Variants in CPD observed in about 807,000 individuals in gnomAD.
CPD encodes the protein metallocarboxypeptidase D.
A neutral mutation model predicts 138.3 loss-of-function variants in CPD; 69 were observed. The observed-to-expected ratio is 0.50, with a 90% confidence interval of 0.41 to 0.61. The LOEUF (loss-of-function observed/expected upper bound fraction) is 0.61. Among genes scored for constraint, CPD ranks in the 20% least tolerant of loss-of-function variants. CPD has a pLI of 0.00. For missense variants in CPD, 1,432 were observed against 1,733.3 expected, an observed-to-expected ratio of 0.83 and a Z score of 3.09; for synonymous variants, 651 against 642.1, an observed-to-expected ratio of 1.01 and a Z score of -0.21.
intron 2 of CPD, among the ~76,000 whole-genome samples, chr17:30,388,513 G>A (rs772054889): frequency 6.6e-6 from 1 of 152,188 alleles, no homozygotes; most frequent in South Asian, 2.1e-4. Context: ...GTACCCCTCC[G>A]GGCAGTGACA....
intron 2 of CPD, among the ~76,000 whole-genome samples, chr17:30,400,051 G>A (rs1911612754): frequency 6.6e-6 from 1 of 152,112 alleles, no homozygotes. Context: ...GCATAGAGTT[G>A]GGCCTTGTTT....
intron 1 of CPD, chr17:30,380,537 T>C: frequency 6.9e-7 from 1 of 1,459,132 alleles, no homozygotes; most frequent in Non-Finnish European, 9.0e-7. Context: ...AATACACACT[T>C]TAAGTGTTAT....
Position 30,468,582 on chromosome 17 carries a change from T to G in CPD, c.*3768T>G, listed in dbSNP as rs760234095. 8 of 152,630 alleles carry G rather than the reference T, an allele frequency of 5.2e-5. No individual in the cohort carries two copies. The highest frequency in any genetic ancestry group is 2.6e-4 in the Admixed American group (4 of 15,282). 9.5% of individuals were successfully genotyped at this position (152,630 alleles called of 1,614,324 possible). ...GAAGTTGAATAGTAGTTTTTAAAAG[T>G]CAATTTGTAATTTATGTGAAATCTA... On this transcript the variant is annotated 3_prime_UTR_variant, in exon 21 of 21. Transcript: ENST00000225719.
chr17:30,400,753 G>C (rs1282881194), intron 2 of CPD, among the ~76,000 whole-genome samples: 2 of 139,968 alleles, frequency 1.4e-5, no homozygotes, highest in East Asian at 4.4e-4. Flanking sequence ...TGCCTCCTGG[G>C]TTCACTCCAT....
intron 2 of CPD, among the ~76,000 whole-genome samples, chr17:30,402,916 A>T (rs1390470011): frequency 6.6e-6 from 1 of 151,780 alleles, no homozygotes; most frequent in Admixed American, 6.6e-5. Context: ...AGACCAGCCT[A>T]ACCAACATGG....
intron 19 of CPD, 87 bp downstream of exon 19, chr17:30,462,149 T>C (rs769205676): frequency 4.7e-5 from 60 of 1,269,452 alleles, no homozygotes; most frequent in Admixed American, 7.5e-5. Context: ...TTAGAAATCT[T>C]GAAGGGAATA....
In CPD at chr17:30,422,966, G is replaced by A. The variant is rs777474549; in HGVS notation, c.1600G>A (p.Glu534Lys). 1.2e-6 allele frequency: 2 copies of A among 1,613,988 alleles called. No homozygotes were observed. The highest frequency in any genetic ancestry group is 3.3e-5 in the Admixed American group (2 of 60,004). The change falls in exon 5 of 21, where the codon GAG becomes AAG. Residue 534 changes from glutamate (E) to lysine (K), a missense_variant. This residue lies in a region of CPD where 297 missense variants were observed against 405.3 expected (regional missense o/e 0.73). Coordinates refer to ENST00000225719, the MANE Select transcript of CPD (RefSeq NM_001304.5). The part of the protein sequence containing the change: ...TRLYSLGKSV[E>K]SRELYVMEIS... ...GCTTTATTCCTTGGGAAAATCAGTA[G>A]AGTCAAGAGAACTTTATGTGATGGA... is the stretch of plus-strand genomic sequence containing the variant.
In CPD at chr17:30,449,681, C is replaced by T. The variant is rs757199061; in HGVS notation, c.3002C>T (p.Thr1001Ile). The change falls in exon 13 of 21, where the codon ACT becomes ATT. Residue 1001 changes from threonine to isoleucine, a missense_variant. Thr to Ile is a moderately conservative substitution (Grantham distance 89). This residue lies in a region of CPD where 366 missense variants were observed against 518.8 expected (regional missense o/e 0.71). Coordinates refer to ENST00000225719, the MANE Select transcript of CPD (RefSeq NM_001304.5). ...ATCCATGGAAATGCGCCAGTTGGAA[C>T]TGAACTGCTTTTGGCTCTGGCAGAA... ...AGIHGNAPVG[T>I]ELLLALAEFL... is the part of the protein sequence containing the mutation. 1.2e-6 allele frequency: 2 copies of T among 1,605,352 alleles called. No individual in the cohort carries two copies. The highest frequency in any genetic ancestry group is 2.7e-5 in the African/African-American group (2 of 74,328).
intron 2 of CPD, among the ~76,000 whole-genome samples, chr17:30,418,892 G>T (rs1912188230): frequency 6.6e-6 from 1 of 152,146 alleles, no homozygotes; most frequent in African/African-American, 2.4e-5. Flanking sequence ...AATGGCATTG[G>T]TTAGAGTTCA....
At chr17:30,421,915 ATGT>A (rs931609359) in intron 4 of CPD, 82 bp downstream of exon 4, 41 of 1,036,852 alleles carry the variant, frequency 4.0e-5, no homozygotes, top group Non-Finnish European at 5.4e-5. Context: ...AGTCTAGTAC[ATGT>A]TGTTTATTTT....
intron 2 of CPD, among the ~76,000 whole-genome samples, chr17:30,414,963 G>T (rs1912066768): frequency 6.9e-6 from 1 of 144,548 alleles, no homozygotes; most frequent in South Asian, 2.3e-4. Flanking sequence ...AAATTTGAGG[G>T]TTGTCACCCT....
intron 1 of CPD, among the ~76,000 whole-genome samples, chr17:30,381,191 T>C (rs1279585410): frequency 2.6e-5 from 4 of 152,200 alleles, no homozygotes; most frequent in Non-Finnish European, 4.4e-5. Flanking sequence ...CCTCTGAACA[T>C]CTGCGTAAGA....
intron 2 of CPD, among the ~76,000 whole-genome samples, chr17:30,412,661 T>C (rs1193054308): frequency 1.3e-5 from 2 of 152,184 alleles, no homozygotes; most frequent in Non-Finnish European, 2.9e-5. Flanking sequence ...GAATAAGGCT[T>C]CGTGGGTGTG....
chr17:30,386,085 A>G (rs1333215735), intron 2 of CPD, among the ~76,000 whole-genome samples: 1 of 152,140 alleles, frequency 6.6e-6, no homozygotes, highest in East Asian at 1.9e-4. Flanking sequence ...GCTGCAGTGC[A>G]ATAGTACAAT....
In CPD at chr17:30,443,968, G is replaced by C; in HGVS notation, c.2540G>C (p.Arg847Pro). ...ACTTATAAAATCACAGCATCTGCTC[G>C]AGGGTGAGTGACTGAATGCTTTGAA... is the stretch of plus-strand genomic sequence containing the variant. Reference protein sequence around the residue: ...PGTYKITASARGYNPVTKNVT... With the variant: ...PGTYKITASAPGYNPVTKNVT... The change falls in exon 11 of 21, where the codon CGA (arginine) becomes CCA (proline). Residue 847 changes from arginine (R) to proline (P), a missense_variant. By Grantham distance (103) the Arg-to-Pro change is moderately radical. Transcript: ENST00000225719. 6.2e-7 allele frequency: 1 copy of C among 1,613,564 alleles called. No individual in the cohort carries two copies. Among genetic ancestry groups the C allele is most frequent in the Non-Finnish European group, 8.5e-7 (1 of 1,179,696 alleles).
chr17:30,379,018 T>C lies in CPD; in HGVS notation c.38T>C (p.Leu13Pro), dbSNP rs1165301881. Residue 13 changes from leucine to proline, a missense_variant, in exon 1 of 21, where the codon CTA becomes CCA. Leu to Pro is a moderately conservative substitution (Grantham distance 98). Transcript: ENST00000225719. The surrounding 1 kb of genome is among the most constrained non-coding windows in gnomAD (Gnocchi z 7.0). ...CGGGACGAGCGGCCGCCTTGGCGGC[T>C]AGGGCGGCTCCTGTTGCTCATGTGC... The part of the protein sequence containing the change: ...SGRDERPPWR[L>P]GRLLLLMCLL... 6.4e-7 allele frequency: 1 copy of C among 1,554,806 alleles called. No homozygotes were observed. The highest frequency in any genetic ancestry group is 8.6e-7 in the Non-Finnish European group (1 of 1,159,352).
chr17:30,406,016 T>C (rs1911792838), intron 2 of CPD, among the ~76,000 whole-genome samples: 1 of 152,096 alleles, frequency 6.6e-6, no homozygotes, highest in Non-Finnish European at 1.5e-5. Context: ...CTATACATTT[T>C]GTGATTTCGT....
intron 9 of CPD, 77 bp downstream of exon 9, chr17:30,439,154 CT>C: frequency 1.3e-6 from 1 of 756,750 alleles, no homozygotes; most frequent in Non-Finnish European, 2.2e-6. Flanking sequence ...TTGTTATTAT[CT>C]TTTAGTTTTG....
intron 12 of CPD, among the ~76,000 whole-genome samples, chr17:30,446,743 A>G (rs918889339): frequency 6.6e-6 from 1 of 152,206 alleles, no homozygotes; most frequent in Admixed American, 6.5e-5. Flanking sequence ...TCCCTGAGGA[A>G]TTGCAACACT....
Sources: allele counts gnomAD v4.1 joint callset (sites outside exome capture counted in the v4.1 genomes callset), GRCh38; gene constraint gnomAD v4.1.1; regional missense constraint gnomAD v4.1.1; non-coding constraint Gnocchi (gnomAD v3.1); transcripts MANE v1.5; gene names NCBI Gene and HGNC (gene_info 2026-07-23, HGNC 2026-07-21).